OMA1: variants seen among roughly 807,000 people sequenced by gnomAD.
OMA1 encodes the protein OMA1 zinc metallopeptidase, also known as metalloendopeptidase OMA1, mitochondrial.
A neutral mutation model predicts 30.9 loss-of-function variants in OMA1; 38 were observed. The observed-to-expected ratio is 1.23, with a 90% CI of 0.95 to 1.61. OMA1 has a LOEUF of 1.61. Ranked by LOEUF, OMA1 falls within the 40% of genes most tolerant of loss-of-function variation. OMA1 has a pLI of 0.00. For missense variants in OMA1, 461 were observed against 349.2 expected (o/e 1.32, Z -2.55); for synonymous variants, 173 against 121.9 (o/e 1.42, Z -2.76).
intron 2 of OMA1, among the ~76,000 whole-genome samples, chr1:58,538,262 A>G (rs1438288531): frequency 6.6e-6 from 1 of 152,210 alleles, no homozygotes. Flanking sequence ...ATCACCAAGG[A>G]AAAAAACAAA....
intron 6 of OMA1, among the ~76,000 whole-genome samples, chr1:58,530,067 G>A (rs995366205): frequency 2.6e-5 from 4 of 152,076 alleles, no homozygotes; most frequent in African/African-American, 9.7e-5. Context: ...ATTTTTAGTA[G>A]AGACAGGGTT....
intron 5 of OMA1, among the ~76,000 whole-genome samples, chr1:58,532,106 T>C (rs1411495915): frequency 2.0e-5 from 3 of 152,186 alleles, no homozygotes; most frequent in African/African-American, 7.2e-5. Context: ...ATTGCTATTA[T>C]ACAGTCTTAG....
At chr1:58,500,319 A>G (rs574404040) in intron 8 of OMA1, among the ~76,000 whole-genome samples, 2 of 152,166 alleles carry the variant, frequency 1.3e-5, no homozygotes, top group Non-Finnish European at 2.9e-5. Flanking sequence ...AGACAAAATG[A>G]AATTCTGTAA....
chr1:58,503,648 A>T (rs901665124), intron 8 of OMA1, among the ~76,000 whole-genome samples: 2 of 151,884 alleles, frequency 1.3e-5, no homozygotes, highest in Non-Finnish European at 2.9e-5. Context: ...GGCTTTTGAG[A>T]GCTCCCTTGC....
chr1:58,512,557 T>G (rs532092184), intron 7 of OMA1, among the ~76,000 whole-genome samples: 1 of 152,174 alleles, frequency 6.6e-6, no homozygotes, highest in Non-Finnish European at 1.5e-5. Context: ...CATCAAAATA[T>G]TATTTGGCCT....
At chr1:58,513,862 A>G (rs1036077875) in intron 7 of OMA1, among the ~76,000 whole-genome samples, 1 of 152,212 alleles carries the variant, frequency 6.6e-6, no homozygotes, top group East Asian at 1.9e-4. Context: ...CATGGTGACT[A>G]CATAACTTGA....
chr1:58,500,930 T>C (rs1438550223), intron 8 of OMA1, among the ~76,000 whole-genome samples: 2 of 152,194 alleles, frequency 1.3e-5, no homozygotes, highest in African/African-American at 4.8e-5. Context: ...GGTGTCTCTT[T>C]CAACGACAAA....
rs1458115069 is a variant in OMA1 at position 58,516,603 on chromosome 1, TC to T, written c.1216-10395del. ...ACATAAATTTGCACAATAAAATCAC[TC>T]ATAGCCAGTAGCAGAGGAGCAGCAG... is the stretch of plus-strand genomic sequence containing the variant. On this transcript the variant is annotated intron_variant, in intron 7 of 8. Transcript: ENST00000371226. 2.6e-5 allele frequency among the ~76,000 whole-genome samples: 4 copies of T among 152,148 alleles called. No individual in the cohort carries two copies. In the East Asian group the frequency reaches 7.7e-4, roughly 29 times the overall value.
intron 7 of OMA1, among the ~76,000 whole-genome samples, chr1:58,512,912 A>C (rs1646103036): frequency 6.6e-6 from 1 of 152,226 alleles, no homozygotes; most frequent in Admixed American, 6.5e-5. Context: ...TTACTAAAAA[A>C]GAGAAAAAAA....
chr1:58,514,568 A>G (rs965586024), intron 7 of OMA1, among the ~76,000 whole-genome samples: 1 of 152,162 alleles, frequency 6.6e-6, no homozygotes, highest in Non-Finnish European at 1.5e-5. Context: ...TTAGGAAACC[A>G]TTAACACCCT....
intron 6 of OMA1, among the ~76,000 whole-genome samples, chr1:58,528,502 G>A (rs1481490298): frequency 5.3e-5 from 8 of 152,154 alleles, no homozygotes; most frequent in Non-Finnish European, 1.0e-4. Flanking sequence ...GTGTGATTTT[G>A]TCCTCCAGGG....
At chr1:58,511,277 G>A (rs558827676) in intron 7 of OMA1, among the ~76,000 whole-genome samples, 30 of 152,120 alleles carry the variant, frequency 2.0e-4, no homozygotes, top group Non-Finnish European at 3.2e-4. Flanking sequence ...AAAGATAACC[G>A]TTAAATGAAT....
chr1:58,526,504 A>T (rs1646351516), intron 7 of OMA1, among the ~76,000 whole-genome samples: 1 of 151,718 alleles, frequency 6.6e-6, no homozygotes. Context: ...CAGTTATCAC[A>T]GGTGATTAAA....
Position 58,523,704 on chromosome 1 carries a change from C to T in OMA1, c.1215+3557G>A, listed in dbSNP as rs541178296. ...CACGAGGTCAGGAGATCGAGACCAT[C>T]CTGGCTAACACGGTGAAACCCCATC... On this transcript the variant is annotated intron_variant, in intron 7 of 8. Coordinates refer to ENST00000371226, the MANE Select transcript of OMA1 (RefSeq NM_145243.5). 1.3e-3 allele frequency among the ~76,000 whole-genome samples: 193 copies of T among 152,252 alleles called. 2 individuals carry two copies. The highest frequency in any genetic ancestry group is 0.012 in the Admixed American group (189 of 15,284).
rs1256280622 is a variant in OMA1 at position 58,518,354 on chromosome 1, GGAAGGGAAGA to G, written c.1215+8897_1215+8906del. Among the ~76,000 whole-genome samples the G allele has an allele frequency of 4.9e-3, 159 of 32,498 alleles. 2 individuals carry two copies. The highest frequency in any genetic ancestry group is 0.011 in the Non-Finnish European group (138 of 12,746). The allele number at this position is 32,498 out of a possible 152,430, so 21.3% of individuals were successfully genotyped here. Reference sequence around the variant, plus strand: ...AGAAGAGAAGAGAAGAGAAGAGAAGGGAAGGGAAGAGAAGAGAAGGGAAGAAAAGAAAAGA... The same window carrying G: ...AGAAGAGAAGAGAAGAGAAGAGAAGGGAAGAGAAGGGAAGAAAAGAAAAGA... On this transcript the variant is annotated intron_variant, in intron 7 of 8. Transcript: ENST00000371226.
At chr1:58,539,709 C>T (rs1365844755) in intron 1 of OMA1, among the ~76,000 whole-genome samples, 1 of 152,146 alleles carries the variant, frequency 6.6e-6, no homozygotes, top group Non-Finnish European at 1.5e-5. Context: ...ATAAAATGCA[C>T]TGGACATTAC....
chr1:58,493,170 T>C (rs1645730579), intron 8 of OMA1, among the ~76,000 whole-genome samples: 1 of 152,118 alleles, frequency 6.6e-6, no homozygotes, highest in Non-Finnish European at 1.5e-5. Context: ...AAAAACCACA[T>C]GATTATCTCA....
At chr1:58,491,841 C>G (rs1262433170) in intron 8 of OMA1, among the ~76,000 whole-genome samples, 2 of 152,144 alleles carry the variant, frequency 1.3e-5, no homozygotes, top group African/African-American at 4.8e-5. Flanking sequence ...CCACTGTTAA[C>G]ATTAGACAGA....
rs189268959 is a variant in OMA1 at position 58,521,436 on chromosome 1, A to T, written c.1215+5825T>A. Among the ~76,000 whole-genome samples, 52 of 152,162 alleles carry T rather than the reference A, an allele frequency of 3.4e-4. 2 individuals carry two copies. In the East Asian group the frequency reaches 9.7e-3, roughly 28 times the overall value. On this transcript the variant is annotated intron_variant, in intron 7 of 8. Transcript: ENST00000371226. Reference sequence around the variant, plus strand: ...ATGCAGAATAAAATAATGAAAAAAAATGGTAACTGACATAACAGAAAACAA... The same window carrying T: ...ATGCAGAATAAAATAATGAAAAAAATTGGTAACTGACATAACAGAAAACAA...
Sources: gnomAD v4.1 joint callset for allele counts (sites outside exome capture counted in the v4.1 genomes callset) on GRCh38, gnomAD v4.1.1 for gene constraint, MANE v1.5 for transcripts, NCBI Gene and HGNC (gene_info 2026-07-23, HGNC 2026-07-21) for gene names.